ARMH3: variants seen among roughly 807,000 people sequenced by gnomAD.
ARMH3 encodes the protein armadillo-like helical domain-containing protein 3.
In ARMH3, 60 loss-of-function variants were observed where a neutral mutation model predicts 99.1. The observed-to-expected ratio is 0.61, with a 90% confidence interval of 0.49 to 0.75. ARMH3 has a LOEUF of 0.75. Ranked by LOEUF, ARMH3 falls within the 30% of genes least tolerant of loss-of-function variation. ARMH3 has a pLI of 0.00. For missense variants in ARMH3, 679 were observed against 843.1 expected, an observed-to-expected ratio of 0.81 and a Z score of 2.41; for synonymous variants, 285 against 292.8, an observed-to-expected ratio of 0.97 and a Z score of 0.27.
At chr10:102,049,776 C>T (rs1313349122) in intron 1 of ARMH3, among the ~76,000 whole-genome samples, 1 of 151,712 alleles carries the variant, frequency 6.6e-6, no homozygotes, top group Non-Finnish European at 1.5e-5. Flanking sequence ...AGGTTGGTCT[C>T]AAACTCCTGG....
At chr10:102,021,432 G>A (rs1180185862) in intron 8 of ARMH3, among the ~76,000 whole-genome samples, 1 of 150,772 alleles carries the variant, frequency 6.6e-6, no homozygotes, top group Non-Finnish European at 1.5e-5. Context: ...ACCCAGACTG[G>A]AGTGCAGTGG....
intron 8 of ARMH3, among the ~76,000 whole-genome samples, chr10:102,023,059 T>C: frequency 6.6e-6 from 1 of 152,148 alleles, no homozygotes; most frequent in Non-Finnish European, 1.5e-5. Context: ...TGATGCCGCA[T>C]GCCTGTAATC....
chr10:101,912,163 G>A (rs1842892808), intron 23 of ARMH3, among the ~76,000 whole-genome samples: 2 of 152,110 alleles, frequency 1.3e-5, no homozygotes, highest in Non-Finnish European at 2.9e-5. Flanking sequence ...CGGAGGCCGA[G>A]GCAGGTGGAT....
rs544608734 is a variant in ARMH3 at position 101,945,456 on chromosome 10, G to A, written c.1706-5518C>T. ...AATTAGGCTGGACACGGTGGCTCGC[G>A]CTTGTAATCCCAGCACTTTGGGAGG... On this transcript the variant is annotated intron_variant, in intron 22 of 25. Coordinates refer to ENST00000370033, the MANE Select transcript of ARMH3 (RefSeq NM_024541.3). Among the ~76,000 whole-genome samples the A allele has an allele frequency of 5.3e-5, 8 of 152,240 alleles. No homozygotes were observed. In the South Asian group the frequency reaches 1.0e-3, roughly 20 times the overall value.
At chr10:101,909,524 A>G (rs1366456158) in intron 23 of ARMH3, among the ~76,000 whole-genome samples, 1 of 123,426 alleles carries the variant, frequency 8.1e-6, no homozygotes, top group African/African-American at 3.2e-5. Context: ...GCTAGGGTGC[A>G]GTGGCACAAT....
rs189111194 is a variant in ARMH3, at chr10:101,847,247, G to A, written c.*281C>T. On this transcript the variant is annotated 3_prime_UTR_variant, in exon 26 of 26. Transcript: ENST00000370033. ...GCTACAGCTTGTAACCTCAAGATTG[G>A]AAATGTGAGGGGCTGTTTAGGGAGC... 128 of 367,516 alleles carry A rather than the reference G, an allele frequency of 3.5e-4. No individual in the cohort carries two copies. The highest frequency in any genetic ancestry group is 2.4e-3 in the Middle Eastern group (3 of 1,228). The allele number at this position is 367,516 out of a possible 1,614,324, so 22.8% of individuals were successfully genotyped here.
intron 20 of ARMH3, among the ~76,000 whole-genome samples, chr10:101,958,217 T>C (rs1363545600): frequency 6.6e-6 from 1 of 152,204 alleles, no homozygotes; most frequent in African/African-American, 2.4e-5. Context: ...GCAGCTATAC[T>C]GTATGTACTC....
intron 14 of ARMH3, among the ~76,000 whole-genome samples, chr10:102,002,687 G>A (rs554497227): frequency 3.9e-5 from 6 of 152,112 alleles, no homozygotes; most frequent in South Asian, 2.1e-4. Flanking sequence ...CAGGTCAAGC[G>A]CAGTGGCTCA....
chr10:101,930,835 T>C (rs997498357), intron 23 of ARMH3, among the ~76,000 whole-genome samples: 1 of 152,212 alleles, frequency 6.6e-6, no homozygotes, highest in African/African-American at 2.4e-5. Flanking sequence ...TTTTTAAAAA[T>C]AATAATAATA....
At chr10:102,013,921 A>G (rs1473924120) in intron 9 of ARMH3, 47 bp downstream of exon 9, 1 of 1,465,010 alleles carries the variant, frequency 6.8e-7, no homozygotes, top group Non-Finnish European at 9.4e-7. Context: ...AAGTAATACC[A>G]TTGAATGCAA....
At chr10:102,018,039 C>G (rs1478271902) in intron 8 of ARMH3, among the ~76,000 whole-genome samples, 2 of 152,156 alleles carry the variant, frequency 1.3e-5, no homozygotes, top group East Asian at 3.8e-4. Context: ...GCCCAGTTCT[C>G]ACAGTACTGC....
At chr10:101,995,186 C>A in intron 16 of ARMH3, 111 bp downstream of exon 16, 1 of 914,390 alleles carries the variant, frequency 1.1e-6, no homozygotes, top group Non-Finnish European at 1.7e-6. Context: ...GATTTTCTCT[C>A]CTAAACTTTA....
At chr10:101,864,007 G>A (rs1342125878) in intron 24 of ARMH3, among the ~76,000 whole-genome samples, 1 of 143,122 alleles carries the variant, frequency 7.0e-6, no homozygotes, top group Non-Finnish European at 1.5e-5. Flanking sequence ...GCTGCAGTGA[G>A]ACAAGATAGT....
intron 1 of ARMH3, among the ~76,000 whole-genome samples, chr10:102,051,919 A>T (rs1382356555): frequency 6.6e-6 from 1 of 152,198 alleles, no homozygotes; most frequent in Non-Finnish European, 1.5e-5. Flanking sequence ...CTACACAAGA[A>T]GGAAGGCATT....
intron 16 of ARMH3, 39 bp downstream of exon 16, chr10:101,995,258 T>G (rs754958590): frequency 6.4e-7 from 1 of 1,570,084 alleles, no homozygotes; most frequent in South Asian, 1.1e-5. Flanking sequence ...TAGCACTTTG[T>G]AAAAGACTGC....
intron 19 of ARMH3, among the ~76,000 whole-genome samples, chr10:101,978,518 C>CTAGGTGCAGTGGCTCA (rs1299000488): frequency 6.6e-6 from 1 of 152,194 alleles, no homozygotes; most frequent in African/African-American, 2.4e-5. Flanking sequence ...CACAAACAGG[C>CTAGGTGCAGTGGCTCA]TAGGTGCAGT....
chr10:101,963,409 T>C (rs1275439708), intron 20 of ARMH3, among the ~76,000 whole-genome samples: 1 of 151,986 alleles, frequency 6.6e-6, no homozygotes, highest in Non-Finnish European at 1.5e-5. Context: ...AGTGCTGGGA[T>C]TACAGGTGTG....
chr10:101,902,831 A>G (rs572921826), intron 23 of ARMH3, among the ~76,000 whole-genome samples: 118 of 152,224 alleles, frequency 7.8e-4, no homozygotes, highest in Middle Eastern at 3.4e-3. Context: ...TAGCTAGTAA[A>G]GCAGGGGGTG....
intron 23 of ARMH3, among the ~76,000 whole-genome samples, chr10:101,935,174 A>ATATATATATATAT (rs1843902399): frequency 6.8e-5 from 8 of 117,154 alleles, no homozygotes; most frequent in African/African-American, 2.2e-4. Context: ...AAGGTGGAGC[A>ATATATATATATAT]ATATATATAT....
Sources: gnomAD v4.1 joint callset for allele counts (sites outside exome capture counted in the v4.1 genomes callset) on GRCh38, gnomAD v4.1.1 for gene constraint, MANE v1.5 for transcripts, NCBI Gene and HGNC (gene_info 2026-07-23, HGNC 2026-07-21) for gene names.